Variants in WIPF2 observed in about 807,000 individuals in gnomAD.
The protein encoded by WIPF2 is WAS/WASL-interacting protein family member 2.
A neutral mutation model predicts 38.8 loss-of-function variants in WIPF2; 23 were observed. The observed-to-expected ratio is 0.59, with a 90% CI of 0.43 to 0.84. The LOEUF (loss-of-function observed/expected upper bound fraction) is 0.84, where lower values mean the gene tolerates loss of function less well. Among genes scored for constraint, WIPF2 ranks in the 40% least tolerant of loss-of-function variants. The pLI, the probability that WIPF2 is intolerant of heterozygous loss-of-function variation, is 0.00. For missense variants in WIPF2, 574 were observed against 580.5 expected (o/e 0.99, Z 0.11); for synonymous variants, 210 against 223.2 (o/e 0.94, Z 0.53).
rs1697365737 is a variant in WIPF2, at chr17:40,280,485, AAAC to A, written c.*2264_*2266del. ...CTCCATCTCAGAAAACAAACAAACCAAACAACTGAGAGAGGGCATGCTAGTGGA... is the reference window on the plus strand; with the variant it reads ...CTCCATCTCAGAAAACAAACAAACCAAACTGAGAGAGGGCATGCTAGTGGA... On this transcript the variant is annotated 3_prime_UTR_variant, in exon 8 of 8. Coordinates refer to ENST00000323571, the MANE Select transcript of WIPF2 (RefSeq NM_133264.5). The A allele has an allele frequency of 6.5e-6, 1 of 153,920 alleles. No individual in the cohort carries two copies. The highest frequency in any genetic ancestry group is 2.4e-5 in the African/African-American group (1 of 41,488). 9.5% of individuals were successfully genotyped at this position (153,920 alleles called of 1,614,324 possible).
At chr17:40,261,678 T>G (rs549542601) in intron 3 of WIPF2, among the ~76,000 whole-genome samples, 37 of 149,542 alleles carry the variant, frequency 2.5e-4, no homozygotes, top group Admixed American at 8.0e-4. Flanking sequence ...GTTTTTTTTT[T>G]TTGGTTTTTT....
At chr17:40,238,163 G>C (rs929528454) in intron 1 of WIPF2, among the ~76,000 whole-genome samples, 1 of 151,704 alleles carries the variant, frequency 6.6e-6, no homozygotes, top group South Asian at 2.1e-4. Flanking sequence ...GTCTCCAAGG[G>C]CTCTTTTTAT....
At chr17:40,274,816 G>A (rs957690141) in intron 6 of WIPF2, among the ~76,000 whole-genome samples, 4 of 150,604 alleles carry the variant, frequency 2.7e-5, no homozygotes, top group African/African-American at 9.7e-5. Context: ...GGTGGCACAC[G>A]CCTGTGTTTC....
At position 40,222,587 on chromosome 17, in the gene WIPF2, T is replaced by TTG. The variant is rs201136851; in HGVS notation, c.-70+3113_-70+3114dup. On this transcript the variant is annotated intron_variant, in intron 1 of 7. Coordinates refer to ENST00000323571, the MANE Select transcript of WIPF2 (RefSeq NM_133264.5). ...TAGCCTTGCTCATGTGTGTGTGTGT[T>TTG]TGTGTGTGTGTGTGTGTGTCTGCGT... Among the ~76,000 whole-genome samples the TTG allele has an allele frequency of 8.9e-4, 131 of 146,408 alleles. 1 individual carries two copies. The Middle Eastern group carries it at 0.011, about 12-fold the overall frequency.
chr17:40,225,225 A>G (rs2030427181), intron 1 of WIPF2, among the ~76,000 whole-genome samples: 1 of 151,168 alleles, frequency 6.6e-6, no homozygotes, highest in Non-Finnish European at 1.5e-5. Context: ...GGAAGAGAAG[A>G]CAGTATTTCC....
chr17:40,246,698 G>A (rs991872905), intron 1 of WIPF2, among the ~76,000 whole-genome samples: 1 of 151,966 alleles, frequency 6.6e-6, no homozygotes, highest in Non-Finnish European at 1.5e-5. Context: ...CGCCTGGCTA[G>A]GCCTGTGCTA....
Position 40,278,531 on chromosome 17 carries a change from T to G in WIPF2, c.*306T>G. On this transcript the variant is annotated 3_prime_UTR_variant, in exon 8 of 8. Transcript: ENST00000323571. The stretch of plus-strand genomic sequence containing the variant: ...TGCCTTCCTCTTGGGGAAAGGTGCC[T>G]TGTTGTGATGAATTAACTCACTGTT... The G allele has an allele frequency of 2.5e-6, 1 of 393,894 alleles. No individual in the cohort carries two copies. 24.4% of individuals were successfully genotyped at this position (393,894 alleles called of 1,614,324 possible).
intron 5 of WIPF2, 79 bp downstream of exon 5, chr17:40,265,225 G>C (rs2032050428): frequency 6.8e-7 from 1 of 1,480,112 alleles, no homozygotes; most frequent in African/African-American, 1.4e-5. Context: ...CTTGAAGACA[G>C]TAATTCGTTT....
intron 5 of WIPF2, among the ~76,000 whole-genome samples, chr17:40,267,412 A>G (rs1598495983): frequency 6.6e-6 from 1 of 152,330 alleles, no homozygotes; most frequent in East Asian, 1.9e-4. Flanking sequence ...CTGAAATTTT[A>G]GAGTGAGGGA....
intron 5 of WIPF2, among the ~76,000 whole-genome samples, chr17:40,267,543 G>C (rs1219508815): frequency 1.3e-5 from 2 of 151,972 alleles, no homozygotes; most frequent in Admixed American, 1.3e-4. Flanking sequence ...TTATTTATTT[G>C]TTTGTTTGTG....
intron 1 of WIPF2, among the ~76,000 whole-genome samples, chr17:40,246,750 A>G (rs1414355844): frequency 3.3e-5 from 5 of 152,096 alleles, no homozygotes; most frequent in Non-Finnish European, 7.3e-5. Context: ...GTGACTGCTG[A>G]GCAGCTACGG....
chr17:40,261,379 C>A (rs1420637059), intron 3 of WIPF2, among the ~76,000 whole-genome samples: 1 of 151,990 alleles, frequency 6.6e-6, no homozygotes, highest in Non-Finnish European at 1.5e-5. Context: ...CTTACTGCAA[C>A]CTCCGCCTCC....
chr17:40,231,513 C>T (rs1183114703), intron 1 of WIPF2, among the ~76,000 whole-genome samples: 3 of 150,966 alleles, frequency 2.0e-5, no homozygotes, highest in Non-Finnish European at 4.4e-5. Flanking sequence ...GCAACATCTG[C>T]CTCCCGGGTT....
At chr17:40,239,528 T>TGTA (rs1269791925) in intron 1 of WIPF2, among the ~76,000 whole-genome samples, 1 of 151,540 alleles carries the variant, frequency 6.6e-6, no homozygotes, top group African/African-American at 2.4e-5. Context: ...GGTGTTTGAG[T>TGTA]GTAAGTCTGG....
At chr17:40,262,742 A>T in intron 4 of WIPF2, 101 bp downstream of exon 4, 1 of 924,660 alleles carries the variant, frequency 1.1e-6, no homozygotes, top group African/African-American at 1.6e-5. Context: ...AGGTGGGGGG[A>T]AGAAAGACTT....
chr17:40,244,691 A>C (rs1036565700), intron 1 of WIPF2, among the ~76,000 whole-genome samples: 32 of 152,176 alleles, frequency 2.1e-4, no homozygotes, highest in African/African-American at 7.2e-4. Flanking sequence ...GATGGCCTAT[A>C]TATAAAGCCT....
chr17:40,243,812 C>T (rs796763024), intron 1 of WIPF2, among the ~76,000 whole-genome samples: 29 of 152,190 alleles, frequency 1.9e-4, no homozygotes, highest in African/African-American at 5.5e-4. Context: ...TGAGCCACCA[C>T]GCCCGGCCCG....
chr17:40,269,347 ATAAATT>A (rs1021147340), intron 5 of WIPF2, among the ~76,000 whole-genome samples: 9 of 151,286 alleles, frequency 5.9e-5, no homozygotes, highest in Admixed American at 2.6e-4. Flanking sequence ...ATAAATAAAA[ATAAATT>A]TAAGAAACCT....
intron 1 of WIPF2, among the ~76,000 whole-genome samples, chr17:40,249,275 C>T (rs949980035): frequency 1.1e-4 from 16 of 152,084 alleles, no homozygotes; most frequent in African/African-American, 2.2e-4. Flanking sequence ...TTTAAGTGTA[C>T]GAGAAAAGCA....
Sources: allele counts gnomAD v4.1 joint callset (sites outside exome capture counted in the v4.1 genomes callset), GRCh38; gene constraint gnomAD v4.1.1; transcripts MANE v1.5; gene names NCBI Gene and HGNC (gene_info 2026-07-23, HGNC 2026-07-21).